The following MSANTD2 variants were observed in gnomAD, a reference collection of about 807,000 sequenced individuals.
MSANTD2 encodes the protein Myb/SANT DNA binding domain containing 2.
Under a neutral mutation model 52.6 loss-of-function variants are expected in MSANTD2, and 19 were observed. The observed-to-expected ratio is 0.36, with a 90% CI of 0.25 to 0.53. The LOEUF (loss-of-function observed/expected upper bound fraction) is 0.53, where lower values mean the gene tolerates loss of function less well. Among genes scored for constraint, MSANTD2 ranks in the 20% least tolerant of loss-of-function variants. The pLI, the probability that MSANTD2 is intolerant of heterozygous loss-of-function variation, is 0.91. For missense variants in MSANTD2, 558 were observed against 716.3 expected, an observed-to-expected ratio of 0.78 and a Z score of 2.52; for synonymous variants, 291 against 289.7, an observed-to-expected ratio of 1.00 and a Z score of -0.04.
At chr11:124,772,828 T>C (rs1944586473) in intron 3 of MSANTD2, among the ~76,000 whole-genome samples, 166 bp downstream of exon 3, 1 of 151,966 alleles carries the variant, frequency 6.6e-6, no homozygotes, top group African/African-American at 2.4e-5. Context: ...TGTGATGCTT[T>C]CTAATAGCTT....
chr11:124,795,674 T>G (rs963108549), intron 1 of MSANTD2, among the ~76,000 whole-genome samples: 1 of 152,198 alleles, frequency 6.6e-6, no homozygotes, highest in African/African-American at 2.4e-5. Context: ...GAGTGTATAT[T>G]ATACTTTTAT....
chr11:124,782,420 C>G (rs900299156), intron 1 of MSANTD2, among the ~76,000 whole-genome samples: 2 of 151,950 alleles, frequency 1.3e-5, no homozygotes, highest in Non-Finnish European at 2.9e-5. Flanking sequence ...CCACTGCACT[C>G]CAGCTTGGGC....
Position 124,781,691 on chromosome 11 carries a change from C to T in MSANTD2, c.511-6717G>A, listed in dbSNP as rs1036815725. On this transcript the variant is annotated intron_variant, in intron 1 of 3. Transcript: ENST00000374979. ...TTTTTGAGACAGATTCTCGCTCTGT[C>T]GCCTAGGCTGGAGTGCAGTGGCACA... 4.0e-5 allele frequency among the ~76,000 whole-genome samples: 6 copies of T among 148,220 alleles called. No individual in the cohort carries two copies. The South Asian group carries it at 6.4e-4, about 16-fold the overall frequency.
intron 1 of MSANTD2, chr11:124,784,134 G>C (rs1945079044): frequency 3.0e-6 from 3 of 984,326 alleles, no homozygotes; most frequent in African/African-American, 1.8e-5. Context: ...TATTTGTCTA[G>C]AACTTCCTCC....
chr11:124,799,582 G>A (rs940506147), intron 1 of MSANTD2, among the ~76,000 whole-genome samples: 1 of 151,684 alleles, frequency 6.6e-6, no homozygotes, highest in Admixed American at 6.6e-5. Flanking sequence ...ACTGCCGCAC[G>A]GCGCACAATG....
chr11:124,777,569 G>A (rs936111104), intron 1 of MSANTD2, among the ~76,000 whole-genome samples: 1 of 152,160 alleles, frequency 6.6e-6, no homozygotes, highest in Non-Finnish European at 1.5e-5. Flanking sequence ...AGTATCTAAT[G>A]GTTACAGATA....
chr11:124,783,217 C>A (rs1467061920), intron 1 of MSANTD2, among the ~76,000 whole-genome samples: 2 of 152,170 alleles, frequency 1.3e-5, no homozygotes, highest in African/African-American at 4.8e-5. Flanking sequence ...GGACTGAATC[C>A]TATCAGCTTG....
intron 1 of MSANTD2, chr11:124,791,466 A>T: frequency 1.7e-6 from 2 of 1,143,930 alleles, no homozygotes; most frequent in Non-Finnish European, 2.6e-6. Flanking sequence ...CTGCACTGGG[A>T]GGTCAGGCGA....
intron 1 of MSANTD2, among the ~76,000 whole-genome samples, chr11:124,795,925 A>G (rs1360524941): frequency 6.6e-6 from 1 of 152,222 alleles, no homozygotes; most frequent in Admixed American, 6.5e-5. Flanking sequence ...AAATGCAACA[A>G]AACTTCAAGA....
chr11:124,791,339 C>T (rs955684918), intron 1 of MSANTD2: 27 of 1,409,946 alleles, frequency 1.9e-5, no homozygotes, highest in Non-Finnish European at 2.7e-5. Context: ...CTGGCCCCTA[C>T]AGCTGCTCCG....
chr11:124,783,975 T>C (rs1342258101), intron 1 of MSANTD2: 1 of 985,288 alleles, frequency 1.0e-6, no homozygotes, highest in Non-Finnish European at 1.2e-6. Context: ...AGAGCTTCTT[T>C]AGGGTACAAG....
rs550389183 is a variant in MSANTD2 at position 124,781,700 on chromosome 11, T to G, written c.511-6726A>C. Among the ~76,000 whole-genome samples the G allele has an allele frequency of 1.1e-3, 171 of 150,940 alleles. No individual in the cohort carries two copies. In the Middle Eastern group the frequency reaches 0.014, roughly 12 times the overall value. Reference sequence around the variant, plus strand: ...CAGATTCTCGCTCTGTCGCCTAGGCTGGAGTGCAGTGGCACAATCTGGGCT... The same window carrying G: ...CAGATTCTCGCTCTGTCGCCTAGGCGGGAGTGCAGTGGCACAATCTGGGCT... On this transcript the variant is annotated intron_variant, in intron 1 of 3. Transcript: ENST00000374979.
intron 1 of MSANTD2, chr11:124,783,774 A>G (rs1029116719): frequency 1.0e-6 from 1 of 985,170 alleles, no homozygotes; most frequent in Admixed American, 6.1e-5. Flanking sequence ...GATTACTAAG[A>G]AAAAAACCCT....
chr11:124,767,805 A>G lies in MSANTD2; in HGVS notation c.1051T>C (p.Ser351Pro). 6.2e-7 allele frequency: 1 copy of G among 1,614,210 alleles called. No individual in the cohort carries two copies. The highest frequency in any genetic ancestry group is 8.5e-7 in the Non-Finnish European group (1 of 1,180,038). ...ATGATCCGTCCTTCAGGCTTCTCAG[A>G]GTTGAAGTACTCCCGAAGTCGCTTG... is the stretch of plus-strand genomic sequence containing the variant. ...LGKRLREYFNSEKPEGRIIMT... is the reference protein window; with the variant it reads ...LGKRLREYFNPEKPEGRIIMT... Residue 351 changes from serine to proline, a missense_variant, in exon 4 of 4, where the codon TCT (serine) becomes CCT (proline). Ser to Pro is a moderately conservative substitution (Grantham distance 74, BLOSUM62 -1). Coordinates refer to ENST00000374979, the MANE Select transcript of MSANTD2 (RefSeq NM_001308027.2). This position sits in a 1 kb window ranked among gnomAD's most constrained non-coding sequence, Gnocchi z 6.5.
At chr11:124,791,689 C>T (rs1488799845) in intron 1 of MSANTD2, 1 of 1,194,166 alleles carries the variant, frequency 8.4e-7, no homozygotes, top group Admixed American at 1.8e-5. Context: ...ACAGGCAAGG[C>T]TGTGGCTGGG....
At chr11:124,787,708 A>G (rs1945204826) in intron 1 of MSANTD2, among the ~76,000 whole-genome samples, 1 of 152,230 alleles carries the variant, frequency 6.6e-6, no homozygotes, top group Non-Finnish European at 1.5e-5. Context: ...GTACCTATGA[A>G]AATAAACATC....
At chr11:124,772,846 G>T (rs1565452021) in intron 3 of MSANTD2, 148 bp downstream of exon 3, 11 of 602,162 alleles carry the variant, frequency 1.8e-5, no homozygotes, top group Non-Finnish European at 3.3e-5. Context: ...CTTTAAGTGA[G>T]TCCCTGATTA....
intron 1 of MSANTD2, chr11:124,784,288 G>C (rs1372900743): frequency 6.1e-6 from 6 of 985,124 alleles, no homozygotes; most frequent in Non-Finnish European, 7.2e-6. Flanking sequence ...CACACCTTGG[G>C]GGACTACATC....
chr11:124,800,133 G>A lies in MSANTD2; in HGVS notation c.248C>T (p.Ser83Phe), dbSNP rs1449992194. 9.4e-6 allele frequency: 14 copies of A among 1,484,476 alleles called. No homozygotes were observed. In the Middle Eastern group the frequency reaches 1.2e-3, roughly 125 times the overall value. 92.0% of individuals were successfully genotyped at this position (1,484,476 alleles called of 1,614,324 possible). Residue 83 changes from serine to phenylalanine, a missense_variant, in exon 1 of 4, where the codon TCC becomes TTC. Transcript: ENST00000374979. The surrounding 1 kb of genome is among the most constrained non-coding windows in gnomAD (Gnocchi z 4.3). ...RSAASSSVSF[S>F]PGGGGGGAAA... The stretch of plus-strand genomic sequence containing the variant: ...AGCCCCGCCACCGCCGCCACCAGGG[G>A]AGAAGGAGACCGAGGACGAGGCGGC...
Sources: gnomAD v4.1 joint callset for allele counts (sites outside exome capture counted in the v4.1 genomes callset) on GRCh38, gnomAD v4.1.1 for gene constraint, Gnocchi (gnomAD v3.1) non-coding constraint, MANE v1.5 for transcripts, NCBI Gene and HGNC (gene_info 2026-07-23, HGNC 2026-07-21) for gene names.